The following DCAF12 variants were observed in gnomAD, a reference collection of about 807,000 sequenced individuals.
DCAF12 encodes DDB1 and CUL4 associated factor 12.
DCAF12 carries 28 observed loss-of-function variants against 52.8 expected under a neutral mutation model. The ratio of observed to expected loss-of-function variants is 0.53; its 90% CI spans 0.39 to 0.73. The LOEUF (loss-of-function observed/expected upper bound fraction) is 0.73. Ranked by LOEUF, DCAF12 falls within the 30% of genes least tolerant of loss-of-function variation. The probability of loss-of-function intolerance (pLI) is 0.00; values close to 1 mark genes in which losing one functional copy is unlikely to be tolerated. For missense variants in DCAF12, 425 were observed against 552.2 expected (o/e 0.77, Z 2.31); for synonymous variants, 196 against 215.5 (o/e 0.91, Z 0.79).
chr9:34,113,008 CA>C (rs1454103459), intron 2 of DCAF12, among the ~76,000 whole-genome samples: 1 of 152,150 alleles, frequency 6.6e-6, no homozygotes, highest in Non-Finnish European at 1.5e-5. Flanking sequence ...TGAGACAATG[CA>C]ACCATAACAT....
intron 2 of DCAF12, among the ~76,000 whole-genome samples, chr9:34,108,073 C>A (rs1828933955): frequency 6.6e-6 from 1 of 152,184 alleles, no homozygotes; most frequent in Non-Finnish European, 1.5e-5. Context: ...CATGGCTGTT[C>A]TCTATACACA....
chr9:34,093,584 A>G, intron 6 of DCAF12, 136 bp from the exon 7 acceptor site: 1 of 859,770 alleles, frequency 1.2e-6, no homozygotes, highest in East Asian at 2.7e-5. Flanking sequence ...CAGAAATAAC[A>G]CTCTGTTCCA....
At chr9:34,120,669 C>CAAAAAAAAAAAAAAAAAAAGAAAAA in intron 2 of DCAF12, among the ~76,000 whole-genome samples, 1 of 117,142 alleles carries the variant, frequency 8.5e-6, no homozygotes, top group Non-Finnish European at 1.7e-5. Context: ...GACGCGGTCT[C>CAAAAAAAAAAAAAAAAAAAGAAAAA]AAAAAAAAAA....
intron 2 of DCAF12, among the ~76,000 whole-genome samples, chr9:34,116,704 G>A (rs1055413520): frequency 1.3e-5 from 2 of 152,034 alleles, no homozygotes; most frequent in East Asian, 1.9e-4. Context: ...AAATCCGGCC[G>A]GGCACGGTGG....
chr9:34,097,765 T>C (rs1587732730), intron 5 of DCAF12, among the ~76,000 whole-genome samples: 3 of 152,054 alleles, frequency 2.0e-5, no homozygotes, highest in Admixed American at 2.0e-4. Context: ...AAACCCCGTC[T>C]CTACTAAAAA....
rs190999528 is a variant in DCAF12 at position 34,111,035 on chromosome 9, G to A, written c.334-3470C>T. ...AAGTCTTGCTCTGTCGCCCAGGCTG[G>A]AGTGCAGTGGCATGATCTCAGCTCA... On this transcript the variant is annotated intron_variant, in intron 2 of 8. Transcript: ENST00000361264. Among the ~76,000 whole-genome samples the A allele has an allele frequency of 9.0e-3, 1,315 of 146,844 alleles. 52 individuals carry two copies. In the East Asian group the frequency reaches 0.12, roughly 14 times the overall value.
In DCAF12 at chr9:34,088,405, G is replaced by C. The variant is rs752766405; in HGVS notation, c.1307C>G (p.Ala436Gly). 1 of 1,613,708 alleles carries C rather than the reference G, an allele frequency of 6.2e-7. No individual in the cohort carries two copies. Among genetic ancestry groups the C allele is most frequent in the Non-Finnish European group, 8.5e-7 (1 of 1,179,780 alleles). Residue 436 changes from alanine (A) to glycine (G), a missense_variant, in exon 9 of 9, where the codon GCA becomes GGA. Ala to Gly is a moderately conservative substitution (Grantham distance 60). This residue lies in a region of DCAF12 where 8 missense variants were observed against 22.9 expected (regional missense o/e 0.35). Coordinates refer to ENST00000361264, the MANE Select transcript of DCAF12 (RefSeq NM_015397.4). ...GAGCCCTGAAGGGAGGGGACCTCCT[G>C]CCACAAAGAGTTTCGTTCCAGACGA... ...YDSSGTKLFV[A>G]GGPLPSGLHG...
intron 7 of DCAF12, among the ~76,000 whole-genome samples, 174 bp downstream of exon 7, chr9:34,093,112 G>A (rs1828672476): frequency 6.6e-6 from 1 of 152,236 alleles, no homozygotes; most frequent in African/African-American, 2.4e-5. Context: ...GCCTCCCAAA[G>A]TGCTGGGATT....
At chr9:34,118,754 A>C (rs1435410437) in intron 2 of DCAF12, among the ~76,000 whole-genome samples, 2 of 151,734 alleles carry the variant, frequency 1.3e-5, no homozygotes, top group African/African-American at 4.8e-5. Flanking sequence ...ACCTGAGGTC[A>C]GGAGTTCAAA....
chr9:34,109,038 T>C (rs1453216533), intron 2 of DCAF12: 3 of 150,848 alleles, frequency 2.0e-5, no homozygotes, highest in Non-Finnish European at 2.9e-5. Context: ...AATGGTTTCA[T>C]TGGAGTGTCT....
intron 7 of DCAF12, among the ~76,000 whole-genome samples, chr9:34,090,495 G>A (rs1221690602): frequency 6.6e-6 from 1 of 152,028 alleles, no homozygotes; most frequent in Non-Finnish European, 1.5e-5. Flanking sequence ...GCTGTACTTG[G>A]GGATCAAATC....
chr9:34,111,555 T>C (rs1564100132), intron 2 of DCAF12, among the ~76,000 whole-genome samples: 1 of 152,226 alleles, frequency 6.6e-6, no homozygotes, highest in Admixed American at 6.5e-5. Context: ...AGCAACTACT[T>C]AAGCATTTAC....
chr9:34,106,351 T>G, intron 4 of DCAF12, 83 bp downstream of exon 4: 1 of 1,248,534 alleles, frequency 8.0e-7, no homozygotes, highest in Non-Finnish European at 1.1e-6. Flanking sequence ...CTGGGCTGTT[T>G]CCTATCACAC....
chr9:34,092,030 A>G (rs1379940225), intron 7 of DCAF12, among the ~76,000 whole-genome samples: 2 of 152,210 alleles, frequency 1.3e-5, no homozygotes, highest in African/African-American at 4.8e-5. Flanking sequence ...TTCAAAGTAC[A>G]CTAAAATAAG....
intron 2 of DCAF12, among the ~76,000 whole-genome samples, chr9:34,114,105 T>C (rs1373792880): frequency 1.4e-5 from 2 of 139,456 alleles, no homozygotes; most frequent in Non-Finnish European, 3.2e-5. Flanking sequence ...AAATACTCCG[T>C]CTCAAAAAAA....
At chr9:34,093,908 A>C in intron 6 of DCAF12, 1 of 172,636 alleles carries the variant, frequency 5.8e-6, no homozygotes, top group Admixed American at 5.5e-5. Context: ...ACGCTATAGA[A>C]AGCACGCCCA....
chr9:34,106,393 C>T, intron 4 of DCAF12, 41 bp downstream of exon 4: 3 of 1,534,708 alleles, frequency 2.0e-6, no homozygotes, highest in Non-Finnish European at 2.7e-6. Context: ...AGCCCCCAAT[C>T]CCTGCCACAT....
chr9:34,100,233 C>T (rs1402314578), intron 4 of DCAF12, among the ~76,000 whole-genome samples: 1 of 140,070 alleles, frequency 7.1e-6, no homozygotes, highest in Non-Finnish European at 1.5e-5. Context: ...GAGTCTCACA[C>T]TGTCGCCCAG....
intron 2 of DCAF12, among the ~76,000 whole-genome samples, chr9:34,116,850 G>A (rs1028163226): frequency 1.3e-5 from 2 of 152,100 alleles, no homozygotes; most frequent in African/African-American, 2.4e-5. Context: ...GCACAGTGAC[G>A]GGTGTGTAAT....
Sources: allele counts gnomAD v4.1 joint callset (sites outside exome capture counted in the v4.1 genomes callset), GRCh38; gene constraint gnomAD v4.1.1; regional missense constraint gnomAD v4.1.1; transcripts MANE v1.5; gene names NCBI Gene and HGNC (gene_info 2026-07-23, HGNC 2026-07-21).